Variants in DNAAF9 observed in about 807,000 individuals in gnomAD.
DNAAF9 encodes the protein dynein axonemal assembly factor 9.
Under a neutral mutation model 167.0 loss-of-function variants are expected in DNAAF9, and 90 were observed. The ratio of observed to expected loss-of-function variants is 0.54; its 90% CI spans 0.45 to 0.64. DNAAF9 has a LOEUF of 0.64. DNAAF9 is among the 30% of genes least tolerant of loss of function. The pLI is 0.00. For missense variants in DNAAF9, 1,315 were observed against 1,442.2 expected (o/e 0.91, Z 1.43); for synonymous variants, 491 against 508.8 (o/e 0.96, Z 0.47).
chr20:3,296,358 G>A (rs2069078402), intron 23 of DNAAF9: 2 of 326,414 alleles, frequency 6.1e-6, no homozygotes, highest in Non-Finnish European at 1.2e-5. Flanking sequence ...CAGCCACACT[G>A]GCTCCTGGCA....
intron 6 of DNAAF9, among the ~76,000 whole-genome samples, chr20:3,369,986 TG>T (rs2083486815): frequency 1.3e-5 from 2 of 152,146 alleles, no homozygotes; most frequent in South Asian, 4.1e-4. Context: ...AAAAAAAAAT[TG>T]ATCTTTTTCT....
rs542922348 is a variant in DNAAF9, at chr20:3,342,624, G to A, written c.845+1052C>T. Among the ~76,000 whole-genome samples the A allele has an allele frequency of 9.2e-5, 14 of 152,146 alleles. No homozygotes were observed. In the South Asian group the frequency reaches 1.0e-3, roughly 11 times the overall value. ...TTAAAAATACTACCTTAAGCTACAG[G>A]CAAACAAGGCTTTTAAAAGTAAGCA... On this transcript the variant is annotated intron_variant, in intron 9 of 36. Coordinates refer to ENST00000252032, the MANE Select transcript of DNAAF9 (RefSeq NM_001009984.3).
chr20:3,307,489 T>C (rs770488204), intron 20 of DNAAF9, among the ~76,000 whole-genome samples: 9 of 152,036 alleles, frequency 5.9e-5, no homozygotes, highest in Non-Finnish European at 7.4e-5. Context: ...CTCTGGACTC[T>C]TGACTGTCAG....
At chr20:3,343,840 CGT>C (rs10582105) in intron 8 of DNAAF9, 109 bp from the exon 9 acceptor site, 23,650 of 619,678 alleles carry the variant, frequency 0.038, 53 homozygotes, top group African/African-American at 0.053. Flanking sequence ...GAGTGCACAG[CGT>C]GTGTGTGTGT....
intron 5 of DNAAF9, among the ~76,000 whole-genome samples, 200 bp downstream of exon 5, chr20:3,374,830 C>A (rs760588761): frequency 6.6e-6 from 1 of 152,162 alleles, no homozygotes; most frequent in Non-Finnish European, 1.5e-5. Context: ...GGGCAGCCTG[C>A]TGTGTTGCTG....
At chr20:3,404,534 G>A (rs191254115) in intron 1 of DNAAF9, among the ~76,000 whole-genome samples, 201 of 152,206 alleles carry the variant, frequency 1.3e-3, no homozygotes, top group African/African-American at 4.5e-3. Flanking sequence ...GGCAAAAACC[G>A]ACTAGGCCTT....
rs562501847 is a variant in DNAAF9 at position 3,259,686 on chromosome 20, C to T, written c.2981-132G>A. The T allele has an allele frequency of 1.1e-4, 83 of 732,428 alleles. No homozygotes were observed. The African/African-American group carries it at 1.2e-3, about 10-fold the overall frequency. The allele number at this position is 732,428 out of a possible 1,614,324, so 45.4% of individuals were successfully genotyped here. ...TCTAGGGTTCACAGGTTCTACCCGCCACACCCTGTTGCTCCCCTGTGGCTC... is the reference window on the plus strand; with the variant it reads ...TCTAGGGTTCACAGGTTCTACCCGCTACACCCTGTTGCTCCCCTGTGGCTC... On this transcript the variant is annotated intron_variant, in intron 32 of 36. Transcript: ENST00000252032.
intron 26 of DNAAF9, among the ~76,000 whole-genome samples, chr20:3,289,687 T>G (rs565139783): frequency 6.6e-6 from 1 of 152,144 alleles, no homozygotes; most frequent in East Asian, 1.9e-4. Context: ...GTTCGGCTAA[T>G]TTTTGTATTT....
chr20:3,257,384 C>T (rs771400664), intron 33 of DNAAF9, among the ~76,000 whole-genome samples: 3 of 151,384 alleles, frequency 2.0e-5, no homozygotes, highest in South Asian at 2.1e-4. Flanking sequence ...TGGTGGTTCA[C>T]GCCTATAGTC....
intron 6 of DNAAF9, among the ~76,000 whole-genome samples, chr20:3,366,690 C>T (rs1466674248): frequency 2.6e-5 from 4 of 152,064 alleles, no homozygotes; most frequent in Middle Eastern, 3.4e-3. Context: ...TTTGGGAGGC[C>T]GAGGTGGGAG....
In DNAAF9 at chr20:3,296,889, C is replaced by T; in HGVS notation, c.1990G>A (p.Asp664Asn). The T allele has an allele frequency of 6.2e-7, 1 of 1,611,056 alleles. No individual in the cohort carries two copies. Among genetic ancestry groups the T allele is most frequent in the Non-Finnish European group, 8.5e-7 (1 of 1,177,226 alleles). The change falls in exon 23 of 37, where the codon GAT (aspartate) becomes AAT (asparagine). Residue 664 changes from aspartate to asparagine, a missense_variant. Transcript: ENST00000252032. ...CTCTTTTGTTCCACAGATAATCCAT[C>T]TTCCTGGATCACTTTTAAAGAGATC... ...SGISLKVIQEDGLSVEQKRLH... is the reference protein window; with the variant it reads ...SGISLKVIQENGLSVEQKRLH...
rs1185006416 is a variant in DNAAF9 at position 3,343,666 on chromosome 20, A to C, written c.845+10T>G. ...ACCATTCGCCCTTCTTCCCCAAGAA[A>C]GAAACTTACCTGTTTTCAGTTATAT... On this transcript the variant is annotated intron_variant, in intron 9 of 36. Coordinates refer to ENST00000252032, the MANE Select transcript of DNAAF9 (RefSeq NM_001009984.3). 6.2e-7 allele frequency: 1 copy of C among 1,608,622 alleles called. No homozygotes were observed. The highest frequency in any genetic ancestry group is 1.3e-5 in the African/African-American group (1 of 74,744).
At chr20:3,394,197 G>A (rs1600920617) in intron 1 of DNAAF9, among the ~76,000 whole-genome samples, 1 of 152,196 alleles carries the variant, frequency 6.6e-6, no homozygotes, top group African/African-American at 2.4e-5. Flanking sequence ...AATTTGCTGG[G>A]CATGGTGGTG....
chr20:3,299,110 T>C (rs973434275), intron 21 of DNAAF9, among the ~76,000 whole-genome samples: 1 of 152,150 alleles, frequency 6.6e-6, no homozygotes, highest in South Asian at 2.1e-4. Flanking sequence ...GGTTTCACTA[T>C]GTTGGCCAGG....
intron 27 of DNAAF9, among the ~76,000 whole-genome samples, chr20:3,284,173 CTTTTTTTTTTTTT>C (rs200633758): frequency 0.043 from 5,114 of 118,368 alleles, 168 homozygotes; most frequent in Middle Eastern, 0.058. Context: ...TTACTAGAGT[CTTTTTTTTTTTTT>C]TTTTTTTTTT....
chr20:3,301,237 G>C (rs2069183390), intron 21 of DNAAF9, among the ~76,000 whole-genome samples: 2 of 150,522 alleles, frequency 1.3e-5, no homozygotes, highest in Non-Finnish European at 2.9e-5. Flanking sequence ...ACCTAGGCTG[G>C]AGTGCAATGG....
chr20:3,348,096 G>C (rs187528300), intron 8 of DNAAF9, among the ~76,000 whole-genome samples: 55 of 152,228 alleles, frequency 3.6e-4, no homozygotes, highest in African/African-American at 1.3e-3. Flanking sequence ...TAGTTTTTGA[G>C]GCTGTCCTGT....
At chr20:3,316,868 G>A in intron 17 of DNAAF9, 75 bp from the exon 18 acceptor site, 1 of 794,850 alleles carries the variant, frequency 1.3e-6, no homozygotes, top group Non-Finnish European at 2.1e-6. Context: ...GACCCTAAAT[G>A]CCCTTCTCAG....
chr20:3,379,666 G>T (rs1044425508), intron 3 of DNAAF9, among the ~76,000 whole-genome samples: 26 of 152,308 alleles, frequency 1.7e-4, no homozygotes, highest in Middle Eastern at 6.8e-3. Context: ...AGATCAAAAT[G>T]TAGAAATTTG....
Sources: allele counts gnomAD v4.1 joint callset (sites outside exome capture counted in the v4.1 genomes callset), GRCh38; gene constraint gnomAD v4.1.1; transcripts MANE v1.5; gene names NCBI Gene and HGNC (gene_info 2026-07-23, HGNC 2026-07-21).